TENM4: variants seen among roughly 807,000 people sequenced by gnomAD.
The protein encoded by TENM4 is teneurin-4.
A neutral mutation model predicts 243.3 loss-of-function variants in TENM4; 82 were observed. The observed-to-expected ratio is 0.34, with a 90% CI of 0.28 to 0.40. The LOEUF (loss-of-function observed/expected upper bound fraction) is 0.40. Among genes scored for constraint, TENM4 ranks in the 10% least tolerant of loss-of-function variants. The pLI is 1.00. For synonymous variants in TENM4, 1,412 were observed against 1,456.3 expected, an observed-to-expected ratio of 0.97 and a Z score of 0.69; for missense variants, 3,138 against 3,673.3, an observed-to-expected ratio of 0.85 and a Z score of 3.77.
intron 32 of TENM4, among the ~76,000 whole-genome samples, chr11:78,667,490 A>G (rs746417955): frequency 6.6e-6 from 1 of 152,064 alleles, no homozygotes; most frequent in Non-Finnish European, 1.5e-5. Context: ...TTTCTCCCCC[A>G]TTACCTGGTG....
chr11:79,353,378 G>T (rs1290658674), intron 1 of TENM4, among the ~76,000 whole-genome samples: 1 of 152,184 alleles, frequency 6.6e-6, no homozygotes, highest in South Asian at 2.1e-4. Context: ...ACTACATCCT[G>T]ATGGTCAAGT....
chr11:79,243,776 C>T (rs997347980), intron 2 of TENM4, among the ~76,000 whole-genome samples: 4 of 152,188 alleles, frequency 2.6e-5, no homozygotes, highest in Non-Finnish European at 5.9e-5. Context: ...CTAACCAAGA[C>T]GCTGAGGCTC....
intron 18 of TENM4, among the ~76,000 whole-genome samples, chr11:78,765,375 T>G (rs1329936540): frequency 6.6e-6 from 1 of 152,218 alleles, no homozygotes; most frequent in Non-Finnish European, 1.5e-5. Context: ...GTGACCAAAT[T>G]CTTTGGCTTT....
At chr11:78,742,766 A>C (rs1027175434) in intron 19 of TENM4, among the ~76,000 whole-genome samples, 16 of 152,154 alleles carry the variant, frequency 1.1e-4, no homozygotes, top group Middle Eastern at 6.8e-3. Context: ...GAGAGTGACA[A>C]GGTTTGGGAT....
Position 79,398,847 on chromosome 11 carries a change from A to G in TENM4, c.-321+41662T>C, listed in dbSNP as rs548323934. On this transcript the variant is annotated intron_variant, in intron 1 of 33. Transcript: ENST00000278550. The stretch of plus-strand genomic sequence containing the variant: ...GCCCAAGTAGAGGCTGGTAGAGTGG[A>G]CCTAGGGCAGATGGGAAAGCACTGC... Among the ~76,000 whole-genome samples the G allele has an allele frequency of 1.5e-4, 23 of 150,542 alleles. No individual in the cohort carries two copies. In the East Asian group the frequency reaches 4.1e-3, roughly 27 times the overall value.
chr11:79,234,801 G>C (rs540950446), intron 2 of TENM4, among the ~76,000 whole-genome samples: 8 of 152,220 alleles, frequency 5.3e-5, no homozygotes, highest in Non-Finnish European at 8.8e-5. Context: ...AAAAGAAACA[G>C]TGTACCCATG....
In TENM4 at chr11:78,756,807, T is replaced by TCCATCAAAGGGGTTCTCC. The variant is rs748391876; in HGVS notation, c.2736_2753dup (p.Glu913_Gly918dup). 1.2e-6 allele frequency: 2 copies of TCCATCAAAGGGGTTCTCC among 1,612,750 alleles called. No individual in the cohort carries two copies. Among genetic ancestry groups the TCCATCAAAGGGGTTCTCC allele is most frequent in the South Asian group, 2.2e-5 (2 of 90,626 alleles). On this transcript the variant is annotated inframe_insertion, in exon 19 of 34. Coordinates refer to ENST00000278550, the MANE Select transcript of TENM4 (RefSeq NM_001098816.3). ...GGAGCTGGGGCCCTCGGACTCACCC[T>TCCATCAAAGGGGTTCTCC]CCATCAAAGGGGTTCTCCCCGGGGA... is the stretch of plus-strand genomic sequence containing the variant.
chr11:78,891,179 G>T, intron 8 of TENM4, 59 bp downstream of exon 8: 1 of 1,480,608 alleles, frequency 6.8e-7, no homozygotes, highest in Non-Finnish European at 9.2e-7. Context: ...GGGTCTGCAT[G>T]CAAGTGCAGG....
intron 14 of TENM4, among the ~76,000 whole-genome samples, chr11:78,810,998 T>C (rs1857487954): frequency 6.6e-6 from 1 of 152,212 alleles, no homozygotes; most frequent in African/African-American, 2.4e-5. Flanking sequence ...ACAGGAAATG[T>C]GCTTCAATTG....
chr11:79,062,056 G>A (rs1046249166), intron 6 of TENM4, among the ~76,000 whole-genome samples: 7 of 151,432 alleles, frequency 4.6e-5, no homozygotes, highest in Non-Finnish European at 8.8e-5. Context: ...CTGCCTCTGG[G>A]GTTCCAGTGA....
chr11:78,856,101 T>G lies in TENM4; in HGVS notation c.1333A>C (p.Lys445Gln). Residue 445 changes from lysine (K) to glutamine (Q), a missense_variant, in exon 11 of 34, where the codon AAG becomes CAG. By Grantham distance (53) the Lys-to-Gln change is moderately conservative. Around this residue, in one of 2 missense-constraint regions of TENM4, gnomAD observed 2,467 missense variants for 3,059.1 expected, o/e 0.81. Transcript: ENST00000278550. The stretch of plus-strand genomic sequence containing the variant: ...CTCCAGAAAGTGCCAGGAGGAATCT[T>G]CTGGGAAGCTCGCCTTCCCACATCA... ...EIDVGRRASQ[K>Q]IPPGTFWRSQ... 6.4e-7 allele frequency: 1 copy of G among 1,551,700 alleles called. No individual in the cohort carries two copies. Among genetic ancestry groups the G allele is most frequent in the Non-Finnish European group, 8.7e-7 (1 of 1,146,978 alleles).
At chr11:78,662,754 A>C (rs1394610947) in intron 32 of TENM4, among the ~76,000 whole-genome samples, 3 of 152,208 alleles carry the variant, frequency 2.0e-5, no homozygotes, top group East Asian at 3.9e-4. Flanking sequence ...CTCATCTCAC[A>C]TACTCACAAC....
At chr11:79,434,255 G>C (rs1859227054) in intron 1 of TENM4, among the ~76,000 whole-genome samples, 1 of 152,200 alleles carries the variant, frequency 6.6e-6, no homozygotes, top group Non-Finnish European at 1.5e-5. Context: ...AACTGTGAAG[G>C]GAGACTCCGT....
intron 27 of TENM4, among the ~76,000 whole-genome samples, chr11:78,707,639 C>T (rs1198585529): frequency 6.6e-6 from 1 of 152,228 alleles, no homozygotes; most frequent in Non-Finnish European, 1.5e-5. Flanking sequence ...CCTTTTCTTT[C>T]TTGCCACTCA....
chr11:79,234,525 G>A (rs1590814762), intron 2 of TENM4, among the ~76,000 whole-genome samples: 2 of 152,206 alleles, frequency 1.3e-5, no homozygotes, highest in Admixed American at 6.5e-5. Flanking sequence ...CTGCCCTCAG[G>A]CTGGGATGAG....
Position 79,070,001 on chromosome 11 carries a change from C to A in TENM4, c.-57G>T. 6.6e-7 allele frequency: 1 copy of A among 1,524,542 alleles called. No individual in the cohort carries two copies. The highest frequency in any genetic ancestry group is 8.8e-7 in the Non-Finnish European group (1 of 1,138,600). 94.4% of individuals were successfully genotyped at this position (1,524,542 alleles called of 1,614,324 possible). On this transcript the variant is annotated 5_prime_UTR_variant, in exon 5 of 34. Transcript: ENST00000278550. ...AACAGGGTCCTCGCCGCACTCAGGG[C>A]CGAGTGGTCTAGAGCCAGGGAAACC...
intron 33 of TENM4, among the ~76,000 whole-genome samples, chr11:78,659,885 A>C (rs1857988654): frequency 6.6e-6 from 1 of 152,252 alleles, no homozygotes; most frequent in Admixed American, 6.5e-5. Context: ...CTTTAGCAAC[A>C]GGCCTATCGG....
At chr11:79,224,140 G>C (rs1296961300) in intron 2 of TENM4, among the ~76,000 whole-genome samples, 1 of 152,148 alleles carries the variant, frequency 6.6e-6, no homozygotes, top group Non-Finnish European at 1.5e-5. Context: ...TGTAAGACAG[G>C]ATGAACTCCT....
At chr11:79,326,718 C>T (rs1440144354) in intron 1 of TENM4, among the ~76,000 whole-genome samples, 2 of 152,190 alleles carry the variant, frequency 1.3e-5, no homozygotes, top group African/African-American at 4.8e-5. Context: ...GTGTTCCACA[C>T]TCAGTTCCCA....
Sources: allele counts gnomAD v4.1 joint callset (sites outside exome capture counted in the v4.1 genomes callset), GRCh38; gene constraint gnomAD v4.1.1; regional missense constraint gnomAD v4.1.1; transcripts MANE v1.5; gene names NCBI Gene and HGNC (gene_info 2026-07-23, HGNC 2026-07-21).